Variants in AGMO observed in about 807,000 individuals in gnomAD.
AGMO encodes the protein alkylglycerol monooxygenase.
In AGMO, 75 loss-of-function variants were observed where a neutral mutation model predicts 60.2. That is an observed-to-expected ratio of 1.25 (90% CI 1.03 to 1.51). The LOEUF (loss-of-function observed/expected upper bound fraction) is 1.51. AGMO is among the 40% of genes most tolerant of loss of function. The pLI, the probability that AGMO is intolerant of heterozygous loss-of-function variation, is 0.00. For synonymous variants in AGMO, 261 were observed against 177.1 expected (o/e 1.47, Z -3.76); for missense variants, 763 against 525.5 (o/e 1.45, Z -4.42).
chr7:15,447,850 C>G (rs556966920), intron 3 of AGMO, among the ~76,000 whole-genome samples: 2 of 152,164 alleles, frequency 1.3e-5, no homozygotes, highest in African/African-American at 4.8e-5. Context: ...CCGGGCCCAG[C>G]CTGCAATGTT....
chr7:15,250,212 C>A (rs183337050), intron 12 of AGMO, among the ~76,000 whole-genome samples: 1 of 152,188 alleles, frequency 6.6e-6, no homozygotes, highest in Admixed American at 6.5e-5. Context: ...AAATCCGCTG[C>A]AATTAATTTT....
the AGMO span, among the ~76,000 whole-genome samples, chr7:15,164,204 G>T: frequency 6.6e-6 from 1 of 151,928 alleles, no homozygotes; most frequent in African/African-American, 2.4e-5. Context: ...TATGCAGAAT[G>T]AGCTTGACCC....
chr7:15,515,721 G>T (rs577183360), intron 3 of AGMO, among the ~76,000 whole-genome samples: 21 of 152,240 alleles, frequency 1.4e-4, no homozygotes, highest in African/African-American at 5.1e-4. Flanking sequence ...TAGTTTCTAG[G>T]AGAATTAAGA....
At chr7:15,291,485 G>T (rs1047243850) in intron 12 of AGMO, among the ~76,000 whole-genome samples, 1 of 151,990 alleles carries the variant, frequency 6.6e-6, no homozygotes, top group African/African-American at 2.4e-5. Flanking sequence ...TTTAAATTTG[G>T]AAAGTATTCT....
chr7:15,170,286 T>C, the AGMO span, among the ~76,000 whole-genome samples: 4 of 152,230 alleles, frequency 2.6e-5, no homozygotes, highest in Non-Finnish European at 5.9e-5. Flanking sequence ...AAAATACATT[T>C]GTTTATTGCG....
At chr7:15,475,355 G>A (rs199786432) in intron 3 of AGMO, among the ~76,000 whole-genome samples, 1 of 152,080 alleles carries the variant, frequency 6.6e-6, no homozygotes, top group Non-Finnish European at 1.5e-5. Flanking sequence ...GTAATACTAT[G>A]TAGCCACAAA....
At chr7:15,163,041 C>A in the AGMO span, among the ~76,000 whole-genome samples, 1 of 152,064 alleles carries the variant, frequency 6.6e-6, no homozygotes, top group Non-Finnish European at 1.5e-5. Context: ...CATTTACCCC[C>A]TTGGATAAAT....
chr7:15,353,049 C>T (rs935701595), intron 12 of AGMO, among the ~76,000 whole-genome samples: 8 of 151,898 alleles, frequency 5.3e-5, no homozygotes, highest in Admixed American at 1.3e-4. Flanking sequence ...GAAACGCAGG[C>T]CCTTTGTTAT....
chr7:15,158,853 AT>A, the AGMO span, among the ~76,000 whole-genome samples: 2 of 152,188 alleles, frequency 1.3e-5, no homozygotes, highest in African/African-American at 4.8e-5. Flanking sequence ...CTCAAAAAAA[AT>A]AAAGATAAAA....
intron 12 of AGMO, among the ~76,000 whole-genome samples, chr7:15,238,303 C>T (rs927682077): frequency 1.3e-5 from 2 of 151,570 alleles, no homozygotes; most frequent in African/African-American, 2.4e-5. Flanking sequence ...TTAAGGCATA[C>T]AAAAATACAG....
In AGMO at chr7:15,291,863, T is replaced by C. The variant is rs565632586; in HGVS notation, c.1263+73651A>G. ...AATGAAGGCAAAACAGGAGCTTCCT[T>C]CTGGAGAAGAAAGGGAATAGCATTC... On this transcript the variant is annotated intron_variant, in intron 12 of 12. Transcript: ENST00000342526. Among the ~76,000 whole-genome samples, 5 of 152,216 alleles carry C rather than the reference T, an allele frequency of 3.3e-5. No homozygotes were observed. The East Asian group carries it at 9.7e-4, about 29-fold the overall frequency.
At chr7:15,381,942 G>T (rs1042479364) in intron 10 of AGMO, among the ~76,000 whole-genome samples, 1 of 152,096 alleles carries the variant, frequency 6.6e-6, no homozygotes, top group African/African-American at 2.4e-5. Context: ...AATACTGCAT[G>T]TTCTCACTTG....
chr7:15,381,842 C>T (rs1413947883), intron 10 of AGMO, among the ~76,000 whole-genome samples: 3 of 152,028 alleles, frequency 2.0e-5, no homozygotes, highest in Non-Finnish European at 4.4e-5. Context: ...TATGCAGCCA[C>T]CAAAAACAAT....
intron 10 of AGMO, among the ~76,000 whole-genome samples, chr7:15,377,988 C>T (rs1783522521): frequency 6.6e-6 from 1 of 151,958 alleles, no homozygotes; most frequent in African/African-American, 2.4e-5. Flanking sequence ...CCAAATAAAC[C>T]TGGTACACTA....
chr7:15,318,776 T>C (rs940675289), intron 12 of AGMO, among the ~76,000 whole-genome samples: 1 of 152,194 alleles, frequency 6.6e-6, no homozygotes, highest in African/African-American at 2.4e-5. Flanking sequence ...TCTTTGTTTT[T>C]ATCAATCCTC....
At chr7:15,497,552 C>G (rs542683311) in intron 3 of AGMO, among the ~76,000 whole-genome samples, 130 of 152,146 alleles carry the variant, frequency 8.5e-4, no homozygotes, top group African/African-American at 2.8e-3. Context: ...ACAGCAACCC[C>G]TCAGAAGAAT....
At chr7:15,245,327 C>G (rs1308081236) in intron 12 of AGMO, among the ~76,000 whole-genome samples, 1 of 152,092 alleles carries the variant, frequency 6.6e-6, no homozygotes, top group Non-Finnish European at 1.5e-5. Flanking sequence ...AATAATATAC[C>G]TCTCTTTCCC....
chr7:15,419,829 A>C (rs1340431016), intron 4 of AGMO, among the ~76,000 whole-genome samples: 2 of 152,184 alleles, frequency 1.3e-5, no homozygotes, highest in East Asian at 3.9e-4. Flanking sequence ...TCTAGGCTTC[A>C]GTTTCCTGAA....
intron 5 of AGMO, among the ~76,000 whole-genome samples, chr7:15,402,629 A>G (rs1393921756): frequency 6.8e-6 from 1 of 147,624 alleles, no homozygotes; most frequent in Non-Finnish European, 1.5e-5. Context: ...TATTAAATAT[A>G]TTAAATATAA....
Sources: gnomAD v4.1 joint callset for allele counts (sites outside exome capture counted in the v4.1 genomes callset) on GRCh38, gnomAD v4.1.1 for gene constraint, MANE v1.5 for transcripts, NCBI Gene and HGNC (gene_info 2026-07-23, HGNC 2026-07-21) for gene names.